The following ERBB4 variants were observed in gnomAD, a reference collection of about 807,000 sequenced individuals.
ERBB4 encodes the protein erb-b2 receptor tyrosine kinase 4.
Under a neutral mutation model 158.0 loss-of-function variants are expected in ERBB4, and 42 were observed. The ratio of observed to expected loss-of-function variants is 0.27; its 90% confidence interval spans 0.21 to 0.34. The LOEUF (loss-of-function observed/expected upper bound fraction) is 0.34, where lower values mean the gene tolerates loss of function less well. ERBB4 is among the 10% of genes least tolerant of loss of function. The pLI is 1.00. For synonymous variants in ERBB4, 583 were observed against 558.7 expected (o/e 1.04, Z -0.61); for missense variants, 1,333 against 1,624.1 (o/e 0.82, Z 3.08).
intron 3 of ERBB4, among the ~76,000 whole-genome samples, chr2:211,909,225 C>T (rs1205358447): frequency 1.3e-5 from 2 of 151,624 alleles, no homozygotes; most frequent in Non-Finnish European, 1.5e-5. Flanking sequence ...ACAAATATTT[C>T]CTGGCAACGA....
intron 20 of ERBB4, among the ~76,000 whole-genome samples, chr2:211,523,311 T>G (rs537273579): frequency 2.7e-5 from 4 of 148,538 alleles, no homozygotes; most frequent in Non-Finnish European, 5.9e-5. Context: ...CCACAGCAGC[T>G]GCTTAGAAAT....
chr2:212,458,915 T>C (rs1404082185), intron 1 of ERBB4, among the ~76,000 whole-genome samples: 3 of 152,200 alleles, frequency 2.0e-5, no homozygotes, highest in Non-Finnish European at 4.4e-5. Context: ...ACCCATTGTG[T>C]AGCACAGGCA....
chr2:211,677,575 AT>A (rs2072129425), intron 13 of ERBB4, among the ~76,000 whole-genome samples: 1 of 146,502 alleles, frequency 6.8e-6, no homozygotes, highest in African/African-American at 2.6e-5. Flanking sequence ...AAAAAAATAA[AT>A]TAAAAAAAAA....
chr2:211,493,562 A>C (rs897376644), intron 20 of ERBB4, among the ~76,000 whole-genome samples: 1 of 147,526 alleles, frequency 6.8e-6, no homozygotes, highest in African/African-American at 2.5e-5. Flanking sequence ...TAAAATACAA[A>C]AAACAAAAAC....
intron 25 of ERBB4, among the ~76,000 whole-genome samples, chr2:211,405,266 A>G (rs574506469): frequency 1.3e-5 from 2 of 152,250 alleles, no homozygotes; most frequent in Non-Finnish European, 2.9e-5. Context: ...AAAAGAAAAT[A>G]TGAGGAAGCA....
intron 1 of ERBB4, among the ~76,000 whole-genome samples, chr2:212,446,578 C>CATATATATATATGT (rs1228016139): frequency 1.0e-4 from 6 of 57,210 alleles, no homozygotes; most frequent in Non-Finnish European, 1.5e-4. Flanking sequence ...AATAAACTCC[C>CATATATATATATGT]ATATATATAT....
At chr2:212,204,335 T>G (rs1002871039) in intron 1 of ERBB4, among the ~76,000 whole-genome samples, 6 of 152,322 alleles carry the variant, frequency 3.9e-5, no homozygotes, top group African/African-American at 1.4e-4. Context: ...TTAAACTTAA[T>G]GTGTCTTTTT....
intron 3 of ERBB4, among the ~76,000 whole-genome samples, chr2:211,939,259 G>A (rs2080417505): frequency 6.6e-6 from 1 of 152,022 alleles, no homozygotes; most frequent in African/African-American, 2.4e-5. Flanking sequence ...ATGAAGAACG[G>A]GTAAATAGAT....
chr2:212,070,098 T>C (rs1575594154), intron 2 of ERBB4, among the ~76,000 whole-genome samples: 1 of 152,044 alleles, frequency 6.6e-6, no homozygotes, highest in Non-Finnish European at 1.5e-5. Context: ...CTAGCCTGGC[T>C]GACAGAGTAA....
In ERBB4 at chr2:211,593,736, T is replaced by G; in HGVS notation, c.2301+25441A>C. On this transcript the variant is annotated intron_variant, in intron 19 of 27. Transcript: ENST00000342788. ...TAGGTTTATTTATTGATACACTATG[T>G]GCAAAACAACCACCACCCTGATACC... 1.3e-5 allele frequency among the ~76,000 whole-genome samples: 2 copies of G among 152,202 alleles called. 1 individual carries two copies. The highest frequency in any genetic ancestry group is 2.9e-5 in the Non-Finnish European group (2 of 68,042).
chr2:212,106,463 T>C (rs1004625121), intron 2 of ERBB4, among the ~76,000 whole-genome samples: 6 of 152,184 alleles, frequency 3.9e-5, no homozygotes, highest in Admixed American at 6.6e-5. Context: ...ATTCAACAGG[T>C]GACAGGTGCT....
rs535009456 is a variant in ERBB4 at position 212,424,037 on chromosome 2, C to T, written c.82+114412G>A. On this transcript the variant is annotated intron_variant, in intron 1 of 27. Transcript: ENST00000342788. The stretch of plus-strand genomic sequence containing the variant: ...ATACAATCTACAATTATTAATTAAT[C>T]ATAATCATTGGCAATAATGGCTTAA... Among the ~76,000 whole-genome samples the T allele has an allele frequency of 9.2e-5, 14 of 152,128 alleles. No individual in the cohort carries two copies. In the East Asian group the frequency reaches 2.7e-3, roughly 29 times the overall value.
At chr2:212,373,690 CAT>C (rs2090161717) in intron 1 of ERBB4, among the ~76,000 whole-genome samples, 2 of 139,398 alleles carry the variant, frequency 1.4e-5, no homozygotes, top group Admixed American at 1.4e-4. Flanking sequence ...AATGGAGATA[CAT>C]ATATATCCAT....
chr2:212,010,994 G>C (rs1436990474), intron 2 of ERBB4, among the ~76,000 whole-genome samples: 1 of 152,048 alleles, frequency 6.6e-6, no homozygotes. Context: ...CAGACCTTAT[G>C]GTTGTCTTCC....
At chr2:211,629,012 G>C (rs1388601474) in intron 17 of ERBB4, among the ~76,000 whole-genome samples, 4 of 152,018 alleles carry the variant, frequency 2.6e-5, no homozygotes, top group African/African-American at 9.7e-5. Context: ...CTTTTTGATG[G>C]GGTTGTTTGT....
At chr2:212,338,947 T>C (rs2088573880) in intron 1 of ERBB4, among the ~76,000 whole-genome samples, 4 of 152,164 alleles carry the variant, frequency 2.6e-5, no homozygotes, top group Admixed American at 2.6e-4. Context: ...CTGGGTTTTT[T>C]AAAGATAATT....
chr2:211,463,028 G>A (rs929871972), intron 20 of ERBB4, among the ~76,000 whole-genome samples: 1 of 152,138 alleles, frequency 6.6e-6, no homozygotes, highest in African/African-American at 2.4e-5. Flanking sequence ...GTAGTCCATA[G>A]TTAGAATGAG....
At chr2:212,263,340 G>A (rs1010093598) in intron 1 of ERBB4, among the ~76,000 whole-genome samples, 4 of 152,078 alleles carry the variant, frequency 2.6e-5, no homozygotes, top group African/African-American at 9.7e-5. Context: ...GCAGCCCCAG[G>A]AAATTAATGC....
chr2:211,738,000 G>GAACATT (rs2074658832), intron 5 of ERBB4, among the ~76,000 whole-genome samples: 2 of 151,812 alleles, frequency 1.3e-5, no homozygotes, highest in South Asian at 4.2e-4. Context: ...ATATACTATG[G>GAACATT]AACATTCGTT....
Sources: allele counts gnomAD v4.1 joint callset (sites outside exome capture counted in the v4.1 genomes callset), GRCh38; gene constraint gnomAD v4.1.1; transcripts MANE v1.5; gene names NCBI Gene and HGNC (gene_info 2026-07-23, HGNC 2026-07-21).